Variants in EYS observed in about 807,000 individuals in gnomAD.
The protein encoded by EYS is EGF-like photoreceptor maintenance factor, also known as protein eyes shut homolog.
EYS carries 250 observed loss-of-function variants against 282.1 expected under a neutral mutation model. That is an observed-to-expected ratio of 0.89 (90% CI 0.80 to 0.98). The LOEUF (loss-of-function observed/expected upper bound fraction) is 0.98. Among genes scored for constraint, EYS ranks in the 50% least tolerant of loss-of-function variants. The pLI, the probability that EYS is intolerant of heterozygous loss-of-function variation, is 0.00. For missense variants in EYS, 4,016 were observed against 3,709.0 expected, an observed-to-expected ratio of 1.08 and a Z score of -2.15; for synonymous variants, 1,355 against 1,282.9, an observed-to-expected ratio of 1.06 and a Z score of -1.20.
intron 2 of EYS, among the ~76,000 whole-genome samples, chr6:65,628,599 C>T (rs1045756462): frequency 5.3e-5 from 8 of 152,062 alleles, no homozygotes; most frequent in African/African-American, 1.9e-4. Context: ...CACTCCTGAT[C>T]CCAGCAAGAC....
chr6:64,777,488 T>C (rs1316094504), intron 22 of EYS, among the ~76,000 whole-genome samples: 1 of 152,096 alleles, frequency 6.6e-6, no homozygotes, highest in Non-Finnish European at 1.5e-5. Flanking sequence ...TTATAGTGCC[T>C]TAAATATCAC....
intron 28 of EYS, among the ~76,000 whole-genome samples, chr6:64,421,012 C>G (rs1268685397): frequency 6.6e-6 from 1 of 152,198 alleles, no homozygotes; most frequent in African/African-American, 2.4e-5. Flanking sequence ...TTTCAGGTAT[C>G]TTTACAGCAG....
chr6:63,999,174 C>T lies in EYS; in HGVS notation c.6735G>A (p.Thr2245=), dbSNP rs776003310. 4.5e-6 allele frequency: 7 copies of T among 1,550,592 alleles called. No homozygotes were observed. Among genetic ancestry groups the T allele is most frequent in the Non-Finnish European group, 6.1e-6 (7 of 1,146,220 alleles). ...AFTPITIRYT[T]PVGSPGVVCM... is the part of the protein sequence containing the mutation. ...AAACAACTCCAGGGCTGCCAACAGGCGTTGTGTAGCTAAACGTAAAACAGA... is the reference window on the plus strand; with the variant it reads ...AAACAACTCCAGGGCTGCCAACAGGTGTTGTGTAGCTAAACGTAAAACAGA... The change falls in exon 34 of 43, where the codon ACG becomes ACA. Residue 2245 remains threonine (T), a synonymous_variant. Transcript: ENST00000503581.
At chr6:63,788,845 C>T (rs1401921997) in intron 38 of EYS, among the ~76,000 whole-genome samples, 3 of 152,156 alleles carry the variant, frequency 2.0e-5, no homozygotes, top group Admixed American at 1.3e-4. Flanking sequence ...CTTTCTGAAT[C>T]CTCTCTCTCA....
chr6:64,808,828 T>C (rs1025917036), intron 22 of EYS, among the ~76,000 whole-genome samples: 1 of 152,060 alleles, frequency 6.6e-6, no homozygotes, highest in Non-Finnish European at 1.5e-5. Flanking sequence ...TAATTTAAAA[T>C]AATAAAATGT....
chr6:64,814,435 T>A (rs1583185675), intron 21 of EYS, among the ~76,000 whole-genome samples: 1 of 152,048 alleles, frequency 6.6e-6, no homozygotes, highest in Non-Finnish European at 1.5e-5. Flanking sequence ...AAATATTATC[T>A]TTCTTTCTTC....
At chr6:64,546,394 G>A (rs896572039) in intron 26 of EYS, among the ~76,000 whole-genome samples, 4 of 152,134 alleles carry the variant, frequency 2.6e-5, no homozygotes, top group African/African-American at 7.2e-5. Flanking sequence ...AGACTTAAAT[G>A]TTAGACCTAA....
chr6:64,320,213 T>C (rs116596408), intron 29 of EYS, among the ~76,000 whole-genome samples: 4,734 of 152,032 alleles, frequency 0.031, 233 homozygotes, highest in African/African-American at 0.11. Flanking sequence ...TTATTAGATA[T>C]ATTGTTTGAT....
intron 36 of EYS, among the ~76,000 whole-genome samples, chr6:63,818,559 C>T (rs1771240878): frequency 6.6e-6 from 1 of 152,162 alleles, no homozygotes; most frequent in Non-Finnish European, 1.5e-5. Flanking sequence ...ATCCTGTACA[C>T]TCTATTTACT....
chr6:64,087,799 AG>A (rs1772206993), intron 31 of EYS, among the ~76,000 whole-genome samples: 1 of 152,106 alleles, frequency 6.6e-6, no homozygotes, highest in African/African-American at 2.4e-5. Context: ...TGTTTGAGAA[AG>A]GATAGTCTTT....
intron 14 of EYS, among the ~76,000 whole-genome samples, chr6:64,995,929 A>G (rs765646903): frequency 2.6e-5 from 4 of 152,152 alleles, no homozygotes; most frequent in Non-Finnish European, 4.4e-5. Flanking sequence ...TGTCCCACAG[A>G]ATATCTGTGG....
At chr6:63,735,380 ACT>A (rs989236618) in intron 41 of EYS, among the ~76,000 whole-genome samples, 4 of 151,706 alleles carry the variant, frequency 2.6e-5, no homozygotes, top group African/African-American at 9.7e-5. Flanking sequence ...AACAAAAAGA[ACT>A]CTCATCTCTT....
At chr6:64,272,213 G>A (rs1451356195) in intron 30 of EYS, among the ~76,000 whole-genome samples, 1 of 152,134 alleles carries the variant, frequency 6.6e-6, no homozygotes, top group Non-Finnish European at 1.5e-5. Flanking sequence ...ATACCAATGG[G>A]TCTTGACTCT....
chr6:65,436,030 T>C (rs537368441), intron 5 of EYS, among the ~76,000 whole-genome samples: 1 of 152,138 alleles, frequency 6.6e-6, no homozygotes, highest in Non-Finnish European at 1.5e-5. Flanking sequence ...CATGGCCCTT[T>C]TTTTTACGAT....
intron 29 of EYS, among the ~76,000 whole-genome samples, chr6:64,332,766 A>G (rs550491146): frequency 6.6e-6 from 1 of 152,326 alleles, no homozygotes; most frequent in South Asian, 2.1e-4. Flanking sequence ...CTGGAAGCTG[A>G]CTAGTCTACA....
chr6:65,553,758 G>A (rs902561739), intron 2 of EYS, among the ~76,000 whole-genome samples: 3 of 151,944 alleles, frequency 2.0e-5, no homozygotes, highest in Admixed American at 6.6e-5. Context: ...AGAACATGAG[G>A]TGTTCTGTAC....
intron 31 of EYS, among the ~76,000 whole-genome samples, chr6:64,199,973 A>C (rs914620067): frequency 1.3e-5 from 2 of 152,202 alleles, no homozygotes; most frequent in African/African-American, 4.8e-5. Flanking sequence ...TGATGTACTA[A>C]GACAAGGAAA....
chr6:64,569,973 C>A (rs999242674), intron 26 of EYS, among the ~76,000 whole-genome samples: 4 of 151,936 alleles, frequency 2.6e-5, no homozygotes, highest in Non-Finnish European at 4.4e-5. Flanking sequence ...GAAGAGTAAC[C>A]CCAAGTAGAA....
intron 12 of EYS, among the ~76,000 whole-genome samples, chr6:65,257,646 C>A (rs187839306): frequency 0.011 from 1,612 of 151,488 alleles, 32 homozygotes; most frequent in African/African-American, 0.037. Context: ...GTTTTGGTAC[C>A]AGTACCATGC....
Sources: allele counts gnomAD v4.1 joint callset (sites outside exome capture counted in the v4.1 genomes callset), GRCh38; gene constraint gnomAD v4.1.1; transcripts MANE v1.5; gene names NCBI Gene and HGNC (gene_info 2026-07-23, HGNC 2026-07-21).